Variants in TAF3 observed in about 807,000 individuals in gnomAD.
TAF3 encodes the protein transcription initiation factor TFIID subunit 3.
TAF3 carries 7 observed loss-of-function variants against 80.6 expected under a neutral mutation model. The observed-to-expected ratio is 0.09, with a 90% CI of 0.05 to 0.16. The LOEUF is 0.16. Ranked by LOEUF, TAF3 falls within the 10% of genes least tolerant of loss-of-function variation. TAF3 has a pLI of 1.00. For synonymous variants in TAF3, 444 were observed against 446.1 expected, an observed-to-expected ratio of 1.00 and a Z score of 0.06; for missense variants, 921 against 1,140.2, an observed-to-expected ratio of 0.81 and a Z score of 2.77.
chr10:7,878,074 G>A (rs941849383), intron 2 of TAF3, among the ~76,000 whole-genome samples: 3 of 152,024 alleles, frequency 2.0e-5, no homozygotes, highest in Non-Finnish European at 4.4e-5. Flanking sequence ...AATAGGGAAC[G>A]GGTATTATGC....
chr10:7,886,706 T>C (rs1222446900), intron 2 of TAF3, among the ~76,000 whole-genome samples: 1 of 152,206 alleles, frequency 6.6e-6, no homozygotes, highest in African/African-American at 2.4e-5. Flanking sequence ...TTTGCACACC[T>C]TACTCCTAAT....
chr10:7,865,169 G>A (rs1030667858), intron 2 of TAF3, among the ~76,000 whole-genome samples: 3 of 151,982 alleles, frequency 2.0e-5, no homozygotes. Flanking sequence ...GCAGGGAATA[G>A]TGGTTCAGAA....
intron 2 of TAF3, among the ~76,000 whole-genome samples, chr10:7,835,868 T>C (rs1836847393): frequency 6.6e-6 from 1 of 152,198 alleles, no homozygotes; most frequent in African/African-American, 2.4e-5. Flanking sequence ...CTGATGGGTG[T>C]ACTCTGTCAC....
At chr10:7,854,052 C>T (rs1212461710) in intron 2 of TAF3, among the ~76,000 whole-genome samples, 3 of 152,228 alleles carry the variant, frequency 2.0e-5, no homozygotes, top group East Asian at 1.9e-4. Flanking sequence ...TCGCCCCACT[C>T]AGCCAGTTGT....
At chr10:7,892,294 G>A (rs932694851) in intron 2 of TAF3, among the ~76,000 whole-genome samples, 4 of 152,144 alleles carry the variant, frequency 2.6e-5, no homozygotes, top group African/African-American at 9.7e-5. Context: ...TGCCTGTTGG[G>A]GGCTAGAAAG....
chr10:7,955,516 A>G (rs1396971577), intron 2 of TAF3, among the ~76,000 whole-genome samples: 3 of 152,252 alleles, frequency 2.0e-5, no homozygotes, highest in Non-Finnish European at 4.4e-5. Flanking sequence ...GTTGGAGAAC[A>G]TGCCACTGAA....
chr10:7,903,920 A>T (rs1837582831), intron 2 of TAF3, among the ~76,000 whole-genome samples: 1 of 152,132 alleles, frequency 6.6e-6, no homozygotes, highest in Non-Finnish European at 1.5e-5. Flanking sequence ...ACGTGAGATA[A>T]CCTACAGTAA....
At chr10:7,938,188 T>C (rs912804965) in intron 2 of TAF3, among the ~76,000 whole-genome samples, 1 of 152,188 alleles carries the variant, frequency 6.6e-6, no homozygotes, top group African/African-American at 2.4e-5. Flanking sequence ...TGCCTAAAGA[T>C]TCATGGAGTT....
At chr10:7,885,856 T>C (rs966843983) in intron 2 of TAF3, among the ~76,000 whole-genome samples, 4 of 152,214 alleles carry the variant, frequency 2.6e-5, no homozygotes, top group African/African-American at 9.6e-5. Flanking sequence ...CATGTTATTA[T>C]TTTTGATTAC....
chr10:7,954,046 C>T lies in TAF3; in HGVS notation c.410-9874C>T, dbSNP rs527293562. On this transcript the variant is annotated intron_variant, in intron 2 of 6. Transcript: ENST00000344293. The stretch of plus-strand genomic sequence containing the variant: ...CCATAGTGAGATTCAGAGTGCACTC[C>T]ATAGGCGAATGAGTGAATTAGTTCT... Among the ~76,000 whole-genome samples, 6 of 139,738 alleles carry T rather than the reference C, an allele frequency of 4.3e-5. 1 individual carries two copies. The South Asian group carries it at 1.6e-3, about 36-fold the overall frequency. The allele number at this position is 139,738 out of a possible 152,430, so 91.7% of individuals were successfully genotyped here.
chr10:7,999,426 T>TAAAA (rs550698627), intron 4 of TAF3, among the ~76,000 whole-genome samples: 1 of 138,400 alleles, frequency 7.2e-6, no homozygotes, highest in African/African-American at 2.7e-5. Context: ...TAAAGGCTGT[T>TAAAA]AAAAAAAAAA....
intron 2 of TAF3, among the ~76,000 whole-genome samples, chr10:7,906,461 A>G (rs1018445163): frequency 1.3e-5 from 2 of 152,150 alleles, no homozygotes; most frequent in Non-Finnish European, 2.9e-5. Flanking sequence ...TTGCTGATTA[A>G]GATTACTATT....
chr10:7,834,259 A>G (rs547179427), intron 2 of TAF3, among the ~76,000 whole-genome samples: 37 of 152,340 alleles, frequency 2.4e-4, no homozygotes, highest in Middle Eastern at 3.4e-3. Context: ...GGGGCCAAAT[A>G]TAAAAAATAA....
At position 7,934,199 on chromosome 10, in the gene TAF3, T is replaced by A. The variant is rs573548859; in HGVS notation, c.410-29721T>A. On this transcript the variant is annotated intron_variant, in intron 2 of 6. Transcript: ENST00000344293. ...TTAACCAACTTACTTCACTTTTTTT[T>A]AAATGTATGGATGAGCGATCTATTA... 3.9e-5 allele frequency among the ~76,000 whole-genome samples: 6 copies of A among 152,348 alleles called. No individual in the cohort carries two copies. In the East Asian group the frequency reaches 1.2e-3, roughly 29 times the overall value.
intron 2 of TAF3, among the ~76,000 whole-genome samples, chr10:7,858,915 C>T (rs764345247): frequency 5.3e-5 from 8 of 152,206 alleles, no homozygotes; most frequent in Non-Finnish European, 1.0e-4. Context: ...TTACTGCTGG[C>T]CTCTTCAGCG....
chr10:7,931,312 A>G (rs558986352), intron 2 of TAF3, among the ~76,000 whole-genome samples: 42 of 152,290 alleles, frequency 2.8e-4, no homozygotes, highest in Admixed American at 1.4e-3. Context: ...ATCAATGGCA[A>G]ACTTGGTCCT....
chr10:7,941,824 A>G (rs1837979595), intron 2 of TAF3, among the ~76,000 whole-genome samples: 1 of 152,182 alleles, frequency 6.6e-6, no homozygotes, highest in Non-Finnish European at 1.5e-5. Flanking sequence ...AGCCTGGAGC[A>G]TGTGTGTCAG....
At chr10:7,928,684 C>CT (rs1588555335) in intron 2 of TAF3, among the ~76,000 whole-genome samples, 1 of 152,208 alleles carries the variant, frequency 6.6e-6, no homozygotes. Flanking sequence ...TCTATTCCTT[C>CT]TGGGGTTGTC....
intron 2 of TAF3, among the ~76,000 whole-genome samples, chr10:7,888,614 A>G (rs959616883): frequency 2.0e-5 from 3 of 152,210 alleles, no homozygotes; most frequent in African/African-American, 4.8e-5. Flanking sequence ...ATGCCCAGTT[A>G]GGTGCATTTA....
Sources: allele counts gnomAD v4.1 joint callset (sites outside exome capture counted in the v4.1 genomes callset), GRCh38; gene constraint gnomAD v4.1.1; transcripts MANE v1.5; gene names NCBI Gene and HGNC (gene_info 2026-07-23, HGNC 2026-07-21).